Variants in TAFA5 observed in about 807,000 individuals in gnomAD.
TAFA5 encodes chemokine-like protein TAFA-5.
A neutral mutation model predicts 15.3 loss-of-function variants in TAFA5; 6 were observed. The observed-to-expected ratio is 0.39, with a 90% CI of 0.21 to 0.77. The LOEUF is 0.77. Among genes scored for constraint, TAFA5 ranks in the 30% least tolerant of loss-of-function variants. The pLI is 0.41. For missense variants in TAFA5, 161 were observed against 193.1 expected (o/e 0.83, Z 0.98); for synonymous variants, 103 against 80.7 (o/e 1.28, Z -1.48).
chr22:48,616,756 T>TG (rs1925620724), intron 1 of TAFA5, among the ~76,000 whole-genome samples: 1 of 152,096 alleles, frequency 6.6e-6, no homozygotes, highest in Non-Finnish European at 1.5e-5. Flanking sequence ...AGCGAGATGG[T>TG]GGGAATAGGG....
At chr22:48,616,337 A>G (rs1925603658) in intron 1 of TAFA5, among the ~76,000 whole-genome samples, 1 of 152,200 alleles carries the variant, frequency 6.6e-6, no homozygotes, top group African/African-American at 2.4e-5. Context: ...TCGAGGCCTG[A>G]TGAGCCTGAA....
intron 1 of TAFA5, among the ~76,000 whole-genome samples, chr22:48,638,355 ACCCC>A (rs139377541): frequency 3.5e-5 from 2 of 57,038 alleles, no homozygotes; most frequent in Admixed American, 2.2e-4. Context: ...AGGCAATACC[ACCCC>A]CCCCCCGACA....
intron 2 of TAFA5, among the ~76,000 whole-genome samples, chr22:48,653,396 C>A (rs1020580716): frequency 3.3e-5 from 5 of 152,196 alleles, no homozygotes; most frequent in Non-Finnish European, 7.3e-5. Flanking sequence ...CCACTTCAGG[C>A]CCAGCAGGTG....
At chr22:48,616,600 CT>C (rs33916758) in intron 1 of TAFA5, among the ~76,000 whole-genome samples, 87,236 of 152,094 alleles carry the variant, frequency 0.57, 26,899 homozygotes, top group East Asian at 0.84. Context: ...GGCATTTTGC[CT>C]GCGCATGGAA....
chr22:48,505,487 G>T (rs989034047), intron 1 of TAFA5, among the ~76,000 whole-genome samples: 7 of 152,186 alleles, frequency 4.6e-5, no homozygotes, highest in South Asian at 2.1e-4. Flanking sequence ...TGCCAGGCCT[G>T]GGATTTGAAC....
chr22:48,558,631 C>G (rs1923120959), intron 1 of TAFA5, among the ~76,000 whole-genome samples: 1 of 152,182 alleles, frequency 6.6e-6, no homozygotes, highest in East Asian at 1.9e-4. Flanking sequence ...ATTTGGCCAA[C>G]CAGGAACACC....
chr22:48,686,015 T>C (rs549666495), intron 2 of TAFA5, among the ~76,000 whole-genome samples: 10 of 146,874 alleles, frequency 6.8e-5, no homozygotes, highest in Admixed American at 2.7e-4. Context: ...GCCCCACGTG[T>C]GCCCCGGGAG....
intron 1 of TAFA5, among the ~76,000 whole-genome samples, chr22:48,575,113 C>T (rs1923717123): frequency 6.6e-6 from 1 of 152,074 alleles, no homozygotes; most frequent in African/African-American, 2.4e-5. Context: ...CCGGCTGGGG[C>T]GGTACCTGGG....
intron 3 of TAFA5, among the ~76,000 whole-genome samples, chr22:48,747,719 A>G (rs572642940): frequency 6.6e-6 from 1 of 152,190 alleles, no homozygotes; most frequent in South Asian, 2.1e-4. Context: ...CAACATGGTG[A>G]AAGTCCATCT....
Position 48,749,824 on chromosome 22 carries a change from CTCTT to C in TAFA5, c.391-13_391-10del. On this transcript the variant is annotated splice_polypyrimidine_tract_variant and intron_variant, in intron 3 of 3. Coordinates refer to ENST00000402357, the MANE Select transcript of TAFA5 (RefSeq NM_001082967.3). ...TCTGCAGGAGGCTCACCCTCTCTCT[CTCTT>C]TGCTCCTCAGGTCTCCTGACAAACA... The C allele has an allele frequency of 6.4e-7, 1 of 1,560,976 alleles. No homozygotes were observed. Among genetic ancestry groups the C allele is most frequent in the Non-Finnish European group, 8.7e-7 (1 of 1,151,896 alleles).
intron 3 of TAFA5, among the ~76,000 whole-genome samples, chr22:48,715,045 A>G (rs548851244): frequency 6.6e-6 from 1 of 152,216 alleles, no homozygotes; most frequent in African/African-American, 2.4e-5. Context: ...GGATGATTTC[A>G]TCTGAAGATC....
At chr22:48,734,393 A>G (rs1929950985) in intron 3 of TAFA5, among the ~76,000 whole-genome samples, 1 of 152,234 alleles carries the variant, frequency 6.6e-6, no homozygotes, top group African/African-American at 2.4e-5. Flanking sequence ...TCAGAATTTC[A>G]CAAGATGATT....
chr22:48,711,714 T>C (rs1929259436), intron 3 of TAFA5, among the ~76,000 whole-genome samples: 1 of 152,240 alleles, frequency 6.6e-6, no homozygotes, highest in Non-Finnish European at 1.5e-5. Flanking sequence ...CAGCGGATAC[T>C]GAGTTGCTGC....
At chr22:48,661,543 C>G (rs1263829041) in intron 2 of TAFA5, among the ~76,000 whole-genome samples, 8 of 152,208 alleles carry the variant, frequency 5.3e-5, no homozygotes, top group Non-Finnish European at 1.0e-4. Context: ...GCTCATCTCC[C>G]TGGGTTCAGA....
intron 1 of TAFA5, among the ~76,000 whole-genome samples, chr22:48,529,037 C>T (rs1462944949): frequency 6.6e-6 from 1 of 152,186 alleles, no homozygotes; most frequent in African/African-American, 2.4e-5. Flanking sequence ...CCCTTGAGGG[C>T]ACTAGAACCC....
intron 2 of TAFA5, among the ~76,000 whole-genome samples, chr22:48,684,257 T>C (rs1390873887): frequency 6.6e-6 from 1 of 152,030 alleles, no homozygotes; most frequent in African/African-American, 2.4e-5. Context: ...AGGGGTTTGC[T>C]CACAGGACGG....
At chr22:48,689,189 C>T (rs1315796000) in intron 2 of TAFA5, among the ~76,000 whole-genome samples, 3 of 152,082 alleles carry the variant, frequency 2.0e-5, no homozygotes, top group Non-Finnish European at 2.9e-5. Context: ...GTTAGGGAGG[C>T]GCGGTTTTCA....
intron 2 of TAFA5, among the ~76,000 whole-genome samples, chr22:48,666,312 C>T (rs1927606931): frequency 6.6e-6 from 1 of 152,096 alleles, no homozygotes; most frequent in Admixed American, 6.5e-5. Context: ...TGTCTGATGG[C>T]CATGGAGGTG....
intron 3 of TAFA5, among the ~76,000 whole-genome samples, chr22:48,712,150 G>A (rs1380647388): frequency 3.9e-5 from 6 of 152,196 alleles, no homozygotes; most frequent in African/African-American, 7.2e-5. Context: ...TCCACCTCCC[G>A]AGTTCAAGTG....
Sources: gnomAD v4.1 joint callset for allele counts (sites outside exome capture counted in the v4.1 genomes callset) on GRCh38, gnomAD v4.1.1 for gene constraint, MANE v1.5 for transcripts, NCBI Gene and HGNC (gene_info 2026-07-23, HGNC 2026-07-21) for gene names.